CES1: variants seen among roughly 807,000 people sequenced by gnomAD.
CES1 encodes liver carboxylesterase 1.
A neutral mutation model predicts 53.0 loss-of-function variants in CES1; 50 were observed. That is an observed-to-expected ratio of 0.94 (90% CI 0.75 to 1.19). The LOEUF (loss-of-function observed/expected upper bound fraction) is 1.19. Among genes scored for constraint, CES1 ranks in the 50% most tolerant of loss-of-function variants. The pLI, the probability that CES1 is intolerant of heterozygous loss-of-function variation, is 0.00. For missense variants in CES1, 534 were observed against 538.0 expected (o/e 0.99, Z 0.07); for synonymous variants, 202 against 210.1 (o/e 0.96, Z 0.33).
intron 8 of CES1, among the ~76,000 whole-genome samples, chr16:55,816,086 C>T (rs1429933196): frequency 6.6e-6 from 1 of 152,406 alleles, no homozygotes; most frequent in Middle Eastern, 3.4e-3. Context: ...GGCTCAAATG[C>T]CACCTTCTCA....
At position 55,810,456 on chromosome 16, in the gene CES1, G is replaced by C. The variant is rs562034923; in HGVS notation, c.1318+61C>G. 1.1e-5 allele frequency: 17 copies of C among 1,604,864 alleles called. No individual in the cohort carries two copies. In the East Asian group the frequency reaches 3.8e-4, roughly 36 times the overall value. On this transcript the variant is annotated intron_variant, in intron 11 of 13. Transcript: ENST00000360526. ...CATGTCTGTCTATGCTGGGAGGTAG[G>C]TGGGTCAGATACAGAAGCTCGTGGG...
At chr16:55,812,224 C>T (rs2031730619) in intron 9 of CES1, 1 of 153,950 alleles carries the variant, frequency 6.5e-6, no homozygotes, top group African/African-American at 2.4e-5. Flanking sequence ...AACTCAATTA[C>T]TTTTTCCATT....
chr16:55,814,676 G>A (rs1225748542), intron 8 of CES1, among the ~76,000 whole-genome samples: 8 of 152,206 alleles, frequency 5.3e-5, no homozygotes, highest in South Asian at 2.1e-4. Flanking sequence ...CCAGTTCCAC[G>A]CCCCATGGGC....
chr16:55,831,996 A>C, intron 1 of CES1, among the ~76,000 whole-genome samples: 1 of 115,202 alleles, frequency 8.7e-6, no homozygotes, highest in Non-Finnish European at 1.8e-5. Flanking sequence ...CCTTGGAGAA[A>C]CTCCCTCCCA....
At position 55,819,639 on chromosome 16, in the gene CES1, G is replaced by T. The variant is rs376597833; in HGVS notation, c.802C>A (p.Gln268Lys). The change falls in exon 7 of 14, where the codon CAA (glutamine) becomes AAA (lysine). Residue 268 changes from glutamine to lysine, a missense_variant and splice_region_variant. Gln to Lys is a moderately conservative substitution (Grantham distance 53). Around this residue, in one of 5 missense-constraint regions of CES1, gnomAD observed 269 missense variants for 206.6 expected, o/e 1.30. Coordinates refer to ENST00000360526, the MANE Select transcript of CES1 (RefSeq NM_001025195.2). ...KKGDVKPLAE[Q>K]IAITAGCKTT... ...TTGCACCCAGCAGTGATAGCAATTT[G>T]CTGCAAAGATCACAGGCAACAACAG... is the stretch of plus-strand genomic sequence containing the variant. 1.6e-5 allele frequency: 26 copies of T among 1,611,276 alleles called. No individual in the cohort carries two copies. Among genetic ancestry groups the T allele is most frequent in the Non-Finnish European group, 2.2e-5 (26 of 1,177,566 alleles).
chr16:55,812,566 T>C (rs760358087), intron 9 of CES1: 37 of 391,950 alleles, frequency 9.4e-5, no homozygotes, highest in East Asian at 4.5e-5. Flanking sequence ...CCCCGACTGC[T>C]TCTCCGGACT....
chr16:55,815,604 G>A (rs1386201853), intron 8 of CES1, among the ~76,000 whole-genome samples: 5 of 152,160 alleles, frequency 3.3e-5, no homozygotes, highest in African/African-American at 9.7e-5. Context: ...CTTACCCCTT[G>A]CATCCTGTCC....
intron 7 of CES1, among the ~76,000 whole-genome samples, chr16:55,817,812 G>A (rs558559842): frequency 1.9e-4 from 29 of 152,124 alleles, no homozygotes; most frequent in East Asian, 5.8e-4. Flanking sequence ...TGGAGGCAGC[G>A]CGTAATCATG....
Position 55,810,578 on chromosome 16 carries a change from C to T in CES1, c.1257G>A (p.Leu419=), listed in dbSNP as rs2031642299. The T allele has an allele frequency of 6.2e-7, 1 of 1,614,200 alleles. No individual in the cohort carries two copies. The highest frequency in any genetic ancestry group is 8.5e-7 in the Non-Finnish European group (1 of 1,180,032). Residue 419 remains leucine (L), a synonymous_variant, in exon 11 of 14, where the codon CTG becomes CTA. Coordinates refer to ENST00000360526, the MANE Select transcript of CES1 (RefSeq NM_001025195.2). ...CAAACATCACATCTGCTATCAAGTCCAGGAACAGGTCTTTCTTTTTGACAG... is the reference window on the plus strand; with the variant it reads ...CAAACATCACATCTGCTATCAAGTCTAGGAACAGGTCTTTCTTTTTGACAG... ...DDTVKKKDLF[L]DLIADVMFGV... is the part of the protein sequence containing the mutation.
intron 3 of CES1, among the ~76,000 whole-genome samples, chr16:55,825,093 C>A (rs577218866): frequency 7.9e-5 from 12 of 152,320 alleles, no homozygotes; most frequent in African/African-American, 2.9e-4. Flanking sequence ...AAGGCAGGGG[C>A]TGTGTGGAGT....
chr16:55,814,001 T>G (rs2031823564), intron 8 of CES1, among the ~76,000 whole-genome samples: 2 of 152,212 alleles, frequency 1.3e-5, no homozygotes, highest in African/African-American at 4.8e-5. Context: ...AGTATTGATT[T>G]GGGGGTTATA....
rs1228751849 is a variant in CES1 at position 55,810,677 on chromosome 16, AAAAAGTGACCACCAGCC to A, written c.1171-30_1171-14del. On this transcript the variant is annotated splice_polypyrimidine_tract_variant and intron_variant, in intron 10 of 13. Coordinates refer to ENST00000360526, the MANE Select transcript of CES1 (RefSeq NM_001025195.2). ...CCTTAGCAATGCACTGAAATAGATC[AAAAAGTGACCACCAGCC>A]CCGGGTGAGCGATGCAGCTTCTCCA... 1.9e-6 allele frequency: 3 copies of A among 1,613,908 alleles called. No homozygotes were observed. The highest frequency in any genetic ancestry group is 2.7e-5 in the African/African-American group (2 of 74,896).
Position 55,821,376 on chromosome 16 carries a change from A to G in CES1, c.685T>C (p.Ser229Pro). Residue 229 changes from serine (S) to proline (P), a missense_variant, in exon 5 of 14, where the codon TCT becomes CCT. Physicochemically the swap from Ser to Pro is moderately conservative, Grantham distance 74. Coordinates refer to ENST00000360526, the MANE Select transcript of CES1 (RefSeq NM_001025195.2). ...FGESAGGESV[S>P]VLVLSPLAKN... is the part of the protein sequence containing the mutation. ...GTGACAGGAAAACTCACAAGAACAG[A>G]GACACTTTCTCCTCCCGCTGACTCT... 6.2e-7 allele frequency: 1 copy of G among 1,614,204 alleles called. No homozygotes were observed. The highest frequency in any genetic ancestry group is 8.5e-7 in the Non-Finnish European group (1 of 1,180,044).
intron 4 of CES1, among the ~76,000 whole-genome samples, chr16:55,822,842 T>G (rs1462802799): frequency 6.6e-6 from 1 of 152,048 alleles, no homozygotes; most frequent in South Asian, 2.1e-4. Context: ...GGGGAGGTCA[T>G]TGATGACCGC....
At chr16:55,819,514 C>G (rs1398127124) in intron 7 of CES1, 21 bp downstream of exon 7, 1 of 1,571,760 alleles carries the variant, frequency 6.4e-7, no homozygotes, top group Non-Finnish European at 8.8e-7. Flanking sequence ...AGGGTTTGGG[C>G]TACGGGAACA....
intron 4 of CES1, among the ~76,000 whole-genome samples, chr16:55,822,851 G>A (rs1288594734): frequency 1.3e-4 from 20 of 152,074 alleles, no homozygotes; most frequent in Non-Finnish European, 2.9e-4. Flanking sequence ...ATTGATGACC[G>A]CAATGAGACC....
At position 55,812,914 on chromosome 16, in the gene CES1, A is replaced by T. The variant is rs763182229; in HGVS notation, c.1075T>A (p.Leu359Met). 48 of 1,614,032 alleles carry T rather than the reference A, an allele frequency of 3.0e-5. No individual in the cohort carries two copies. Among genetic ancestry groups the T allele is most frequent in the East Asian group, 6.7e-5 (3 of 44,906 alleles). Reference sequence around the variant, plus strand: ...ATGTGCCTTCTCACCATTGGAATCAACCAGCCAAACTCCTGCTTGTTAATT... The same window carrying T: ...ATGTGCCTTCTCACCATTGGAATCATCCAGCCAAACTCCTGCTTGTTAATT... ...VGINKQEFGW[L>M]IPMQLMSYPL... Residue 359 changes from leucine (L) to methionine (M), a missense_variant, in exon 9 of 14, where the codon TTG becomes ATG. Transcript: ENST00000360526.
chr16:55,821,546 G>A, intron 4 of CES1, 25 bp from the exon 5 acceptor site: 1 of 1,614,032 alleles, frequency 6.2e-7, no homozygotes, highest in Non-Finnish European at 8.5e-7. Context: ...ACAGGTTGAG[G>A]GTGGGGAGCA....
Position 55,828,845 on chromosome 16 carries a change from A to G in CES1, c.182T>C (p.Leu61Pro), listed in dbSNP as rs1309100577. 4.3e-6 allele frequency: 7 copies of G among 1,614,298 alleles called. No individual in the cohort carries two copies. The South Asian group carries it at 6.6e-5, about 15-fold the overall frequency. ...FLGIPFAKPP[L>P]GPLRFTPPQP... ...CGGTGGAGTAAACCTCAGGGGTCCA[A>G]GAGGCGGCTTGGCAAAAGGGATTCC... is the stretch of plus-strand genomic sequence containing the variant. The change falls in exon 2 of 14, where the codon CTT becomes CCT. Residue 61 changes from leucine to proline, a missense_variant. Physicochemically the swap from Leu to Pro is moderately conservative, Grantham distance 98. This residue lies in a region of CES1 where 164 missense variants were observed against 162.4 expected (regional missense o/e 1.01). Transcript: ENST00000360526.
Sources: allele counts gnomAD v4.1 joint callset (sites outside exome capture counted in the v4.1 genomes callset), GRCh38; gene constraint gnomAD v4.1.1; regional missense constraint gnomAD v4.1.1; transcripts MANE v1.5; gene names NCBI Gene and HGNC (gene_info 2026-07-23, HGNC 2026-07-21).